Variants in CNR2 observed in about 807,000 individuals in gnomAD.
CNR2 encodes cannabinoid receptor 2 (macrophage).
For missense variants in CNR2, 379 were observed against 439.9 expected (o/e 0.86, Z 1.24); for synonymous variants, 172 against 182.2 (o/e 0.94, Z 0.45).
intron 1 of CNR2, among the ~76,000 whole-genome samples, chr1:23,899,691 G>GTAATA (rs1351368049): frequency 1.3e-5 from 2 of 148,468 alleles, no homozygotes; most frequent in African/African-American, 5.0e-5. Context: ...GGTGCATGCT[G>GTAATA]TAATACCAGC....
chr1:23,875,534 C>T lies in CNR2; in HGVS notation c.84G>A (p.Leu28=), dbSNP rs758496486. ...CAACAGCTGTCTTCTGGGGACCACT[C>T]AGGATCATGTAATCCTTCATAGGGT... ...DSNPMKDYMI[L]SGPQKTAVAV... Residue 28 remains leucine (L), a synonymous_variant, in exon 2 of 2, where the codon CTG becomes CTA. Coordinates refer to ENST00000374472, the MANE Select transcript of CNR2 (RefSeq NM_001841.3). 1.9e-6 allele frequency: 3 copies of T among 1,614,090 alleles called. No individual in the cohort carries two copies. The highest frequency in any genetic ancestry group is 2.5e-6 in the Non-Finnish European group (3 of 1,180,026).
intron 1 of CNR2, among the ~76,000 whole-genome samples, chr1:23,892,212 C>A (rs1180242745): frequency 6.6e-6 from 1 of 152,144 alleles, no homozygotes; most frequent in African/African-American, 2.4e-5. Context: ...GAACAGGCCA[C>A]CAGGACAGTC....
At chr1:23,910,957 C>T (rs1286758074) in intron 1 of CNR2, among the ~76,000 whole-genome samples, 2 of 152,064 alleles carry the variant, frequency 1.3e-5, no homozygotes, top group East Asian at 1.9e-4. Context: ...TGACACTGAG[C>T]AAGTCAACAC....
intron 1 of CNR2, among the ~76,000 whole-genome samples, chr1:23,887,936 C>T (rs529892704): frequency 6.6e-6 from 1 of 152,268 alleles, no homozygotes; most frequent in Admixed American, 6.5e-5. Flanking sequence ...TCCTTAAACT[C>T]CTGCTTCTTT....
intron 1 of CNR2, among the ~76,000 whole-genome samples, chr1:23,908,760 A>G (rs142318826): frequency 1.3e-5 from 2 of 152,252 alleles, no homozygotes; most frequent in African/African-American, 4.8e-5. Context: ...CCCAGCTTCC[A>G]GCTCCATCAG....
At chr1:23,879,314 C>T (rs1367461832) in intron 1 of CNR2, among the ~76,000 whole-genome samples, 3 of 151,806 alleles carry the variant, frequency 2.0e-5, no homozygotes, top group Non-Finnish European at 2.9e-5. Flanking sequence ...ACAAAACAAA[C>T]AAACAAAACC....
chr1:23,905,852 G>C (rs1640478842), intron 1 of CNR2, among the ~76,000 whole-genome samples: 1 of 152,162 alleles, frequency 6.6e-6, no homozygotes, highest in Non-Finnish European at 1.5e-5. Context: ...TGGTCCCTGG[G>C]ACCATAACAA....
chr1:23,883,869 CCA>C (rs1165962821), intron 1 of CNR2, among the ~76,000 whole-genome samples: 1 of 140,222 alleles, frequency 7.1e-6, no homozygotes, highest in East Asian at 2.0e-4. Context: ...AAAAAACCCC[CCA>C]CAGTGTTGGG....
At chr1:23,882,275 C>T (rs1032617000) in intron 1 of CNR2, among the ~76,000 whole-genome samples, 9 of 152,006 alleles carry the variant, frequency 5.9e-5, no homozygotes, top group African/African-American at 1.4e-4. Context: ...AGTTCATAAG[C>T]GTGATGACTG....
Position 23,874,530 on chromosome 1 carries a change from C to T in CNR2, c.*5G>A. Reference sequence around the variant, plus strand: ...TTGAGTTGTTTAAATTGGGAAGAGGCCTCATCAGCAATCAGAGAGGTCTAG... The same window carrying T: ...TTGAGTTGTTTAAATTGGGAAGAGGTCTCATCAGCAATCAGAGAGGTCTAG... On this transcript the variant is annotated 3_prime_UTR_variant, in exon 2 of 2. Coordinates refer to ENST00000374472, the MANE Select transcript of CNR2 (RefSeq NM_001841.3). 1.2e-6 allele frequency: 2 copies of T among 1,608,246 alleles called. No homozygotes were observed. Among genetic ancestry groups the T allele is most frequent in the Non-Finnish European group, 8.5e-7 (1 of 1,176,958 alleles).
rs1022923997 is a variant in CNR2 at position 23,901,684 on chromosome 1, C to T, written c.-46+11562G>A. The T allele has an allele frequency of 3.4e-6, 5 of 1,456,338 alleles. No individual in the cohort carries two copies. The Admixed American group carries it at 5.0e-5, about 15-fold the overall frequency. 90.2% of individuals were successfully genotyped at this position (1,456,338 alleles called of 1,614,324 possible). ...CCTGGACCGGGTGTTCAAACCAGAC[C>T]GGGAAGGTGTTACTGGATCTGTCCG... On this transcript the variant is annotated intron_variant, in intron 1 of 1. Transcript: ENST00000374472.
intron 1 of CNR2, chr1:23,901,519 C>A (rs1640398480): frequency 1.9e-6 from 3 of 1,600,492 alleles, no homozygotes; most frequent in South Asian, 1.1e-5. Context: ...GGACCCCAGT[C>A]CCGTTGGTGC....
At chr1:23,902,400 AG>A in intron 1 of CNR2, 2 of 1,588,194 alleles carry the variant, frequency 1.3e-6, no homozygotes, top group African/African-American at 2.7e-5. Flanking sequence ...ACTTGTCCCC[AG>A]AAAGTTGACG....
chr1:23,895,653 C>A (rs1037120828), intron 1 of CNR2, among the ~76,000 whole-genome samples: 1 of 152,108 alleles, frequency 6.6e-6, no homozygotes, highest in Non-Finnish European at 1.5e-5. Context: ...AGTACAGGTG[C>A]GCGCCACCAC....
chr1:23,874,550 G>A lies in CNR2; in HGVS notation c.1068C>T (p.Asp356=). The A allele has an allele frequency of 6.2e-7, 1 of 1,613,800 alleles. No individual in the cohort carries two copies. Among genetic ancestry groups the A allele is most frequent in the East Asian group, 2.2e-5 (1 of 44,880 alleles). ...AGAGGCCTCATCAGCAATCAGAGAG[G>A]TCTAGATCTCTGGAATCTGGCCACG... ...ITPWPDSRDL[D]LSDC Residue 356 remains aspartate (D), a synonymous_variant, in exon 2 of 2, where the codon GAC becomes GAT. Coordinates refer to ENST00000374472, the MANE Select transcript of CNR2 (RefSeq NM_001841.3).
intron 1 of CNR2, among the ~76,000 whole-genome samples, chr1:23,906,915 T>C (rs533886794): frequency 9.0e-4 from 136 of 150,582 alleles, no homozygotes; most frequent in African/African-American, 3.2e-3. Context: ...AGAAAAAATA[T>C]GTCTCAGGCC....
At chr1:23,892,955 G>A (rs1232973122) in intron 1 of CNR2, among the ~76,000 whole-genome samples, 3 of 152,160 alleles carry the variant, frequency 2.0e-5, no homozygotes, top group Admixed American at 1.3e-4. Flanking sequence ...GGTGGAGGTT[G>A]CAGCGAGCAG....
intron 1 of CNR2, among the ~76,000 whole-genome samples, chr1:23,895,245 G>C (rs1553141748): frequency 1.3e-5 from 2 of 152,070 alleles, no homozygotes; most frequent in Non-Finnish European, 1.5e-5. Flanking sequence ...TCTGCCAACA[G>C]GACAGTTTTG....
intron 1 of CNR2, among the ~76,000 whole-genome samples, chr1:23,888,960 T>C (rs1640137733): frequency 6.6e-6 from 1 of 151,794 alleles, no homozygotes; most frequent in Admixed American, 6.6e-5. Context: ...TAAAGCTAGA[T>C]TCAGTTTAAA....
Sources: allele counts gnomAD v4.1 joint callset (sites outside exome capture counted in the v4.1 genomes callset), GRCh38; gene constraint gnomAD v4.1.1; transcripts MANE v1.5; gene names NCBI Gene and HGNC (gene_info 2026-07-23, HGNC 2026-07-21).